Variants in TLN2 observed in about 807,000 individuals in gnomAD.
The protein encoded by TLN2 is talin 2.
Under a neutral mutation model 294.7 loss-of-function variants are expected in TLN2, and 118 were observed. The ratio of observed to expected loss-of-function variants is 0.40; its 90% CI spans 0.34 to 0.47. The LOEUF is 0.47. Ranked by LOEUF, TLN2 falls within the 20% of genes least tolerant of loss-of-function variation. TLN2 has a pLI of 0.84. For missense variants in TLN2, 3,083 were observed against 3,282.2 expected, an observed-to-expected ratio of 0.94 and a Z score of 1.48; for synonymous variants, 1,431 against 1,304.5, an observed-to-expected ratio of 1.10 and a Z score of -2.09.
intron 57 of TLN2, among the ~76,000 whole-genome samples, chr15:62,837,652 C>A (rs969405908): frequency 1.4e-4 from 22 of 152,146 alleles, no homozygotes; most frequent in Non-Finnish European, 1.0e-4. Context: ...ATGTGCAGAT[C>A]CCAGCTGTAT....
intron 1 of TLN2, among the ~76,000 whole-genome samples, chr15:62,462,541 G>C (rs392043): frequency 0.96 from 146,101 of 152,272 alleles, 70,369 homozygotes; most frequent in East Asian, 1. Flanking sequence ...GGTCCAGATT[G>C]CCAGGCTGAG....
intron 32 of TLN2, among the ~76,000 whole-genome samples, chr15:62,745,754 G>C (rs552517203): frequency 4.6e-5 from 7 of 152,196 alleles, no homozygotes; most frequent in African/African-American, 1.7e-4. Flanking sequence ...CTTATAAATA[G>C]CTGCTGGGGT....
intron 19 of TLN2, among the ~76,000 whole-genome samples, chr15:62,706,079 A>G (rs1291384348): frequency 6.6e-6 from 1 of 152,242 alleles, no homozygotes; most frequent in Non-Finnish European, 1.5e-5. Flanking sequence ...TGCCCTTTAC[A>G]TTTAGAATCA....
chr15:62,767,026 T>C (rs539455273), intron 41 of TLN2, among the ~76,000 whole-genome samples: 1 of 152,220 alleles, frequency 6.6e-6, no homozygotes, highest in African/African-American at 2.4e-5. Flanking sequence ...TGGCTTGTTA[T>C]GCAGCCTGTG....
intron 1 of TLN2, among the ~76,000 whole-genome samples, chr15:62,451,861 T>G (rs1213067261): frequency 6.6e-6 from 1 of 152,180 alleles, no homozygotes; most frequent in Non-Finnish European, 1.5e-5. Flanking sequence ...CCAAGTCTTG[T>G]TTTGTGTCAA....
chr15:62,545,206 G>A (rs1171054743), intron 1 of TLN2, among the ~76,000 whole-genome samples: 1 of 151,964 alleles, frequency 6.6e-6, no homozygotes, highest in Admixed American at 6.6e-5. Flanking sequence ...CCGGAGTGCT[G>A]GGATTACAGG....
At chr15:62,734,954 A>T (rs913862549) in intron 28 of TLN2, among the ~76,000 whole-genome samples, 6 of 152,208 alleles carry the variant, frequency 3.9e-5, no homozygotes, top group African/African-American at 1.4e-4. Flanking sequence ...TGGTGCCGAG[A>T]GACCTTCCAG....
chr15:62,642,470 C>T lies in TLN2; in HGVS notation c.-36-4805C>T, dbSNP rs1042057397. On this transcript the variant is annotated intron_variant, in intron 3 of 58. Coordinates refer to ENST00000636159, the MANE Select transcript of TLN2 (RefSeq NM_015059.3). ...GGTTCGGGTGCAGAAGAGTAGACGCCAGGACCAGTTGCAGGCTTTGCTGCC... is the reference window on the plus strand; with the variant it reads ...GGTTCGGGTGCAGAAGAGTAGACGCTAGGACCAGTTGCAGGCTTTGCTGCC... Among the ~76,000 whole-genome samples the T allele has an allele frequency of 2.2e-4, 33 of 152,180 alleles. No individual in the cohort carries two copies. In the South Asian group the frequency reaches 2.9e-3, roughly 13 times the overall value.
intron 1 of TLN2, among the ~76,000 whole-genome samples, chr15:62,500,910 A>G (rs900302276): frequency 2.6e-5 from 4 of 152,240 alleles, no homozygotes; most frequent in Admixed American, 1.3e-4. Flanking sequence ...CTGAGTGTGC[A>G]GGCCCCACCA....
At chr15:62,510,761 C>T (rs1204253542) in intron 1 of TLN2, among the ~76,000 whole-genome samples, 1 of 152,190 alleles carries the variant, frequency 6.6e-6, no homozygotes, top group Admixed American at 6.5e-5. Flanking sequence ...CTGCCTGCCC[C>T]CAGTGCCTCC....
intron 13 of TLN2, among the ~76,000 whole-genome samples, chr15:62,693,172 A>G (rs1256155824): frequency 2.0e-5 from 3 of 152,270 alleles, no homozygotes; most frequent in Middle Eastern, 3.4e-3. Flanking sequence ...TCTACTAAAA[A>G]TACAAAAAAG....
At chr15:62,719,982 T>A (rs1247984126) in intron 25 of TLN2, 102 bp downstream of exon 25, 4 of 856,610 alleles carry the variant, frequency 4.7e-6, no homozygotes, top group Non-Finnish European at 6.7e-6. Context: ...CTCAGCTAAG[T>A]CTTTGCGGTA....
At chr15:62,709,401 G>A (rs1160763352) in intron 21 of TLN2, among the ~76,000 whole-genome samples, 2 of 152,220 alleles carry the variant, frequency 1.3e-5, no homozygotes, top group Non-Finnish European at 2.9e-5. Context: ...TCCACGCAGA[G>A]GAGCAGTGTC....
intron 1 of TLN2, among the ~76,000 whole-genome samples, chr15:62,581,958 C>A (rs1480455601): frequency 6.6e-6 from 1 of 151,250 alleles, no homozygotes; most frequent in Non-Finnish European, 1.5e-5. Flanking sequence ...GCAGGAGAAT[C>A]GTTTGAACCT....
chr15:62,450,099 C>T (rs1293654005), intron 1 of TLN2, among the ~76,000 whole-genome samples: 1 of 152,178 alleles, frequency 6.6e-6, no homozygotes, highest in Non-Finnish European at 1.5e-5. Flanking sequence ...CCTGCAGAAT[C>T]TCTCCTCTGG....
In TLN2 at chr15:62,642,272, G is replaced by C. The variant is rs200143350; in HGVS notation, c.-36-5003G>C. Among the ~76,000 whole-genome samples the C allele has an allele frequency of 1.4e-4, 22 of 152,258 alleles. No individual in the cohort carries two copies. In the East Asian group the frequency reaches 3.7e-3, roughly 25 times the overall value. On this transcript the variant is annotated intron_variant, in intron 3 of 58. Transcript: ENST00000636159. ...AATAAGATAGTAGTCATTCAAATTC[G>C]GGTAAACGAAAAATGAACAATAAGA...
chr15:62,764,568 T>G (rs910974400), intron 40 of TLN2, among the ~76,000 whole-genome samples: 1 of 152,202 alleles, frequency 6.6e-6, no homozygotes, highest in African/African-American at 2.4e-5. Context: ...GGATCTGTTA[T>G]TAAAGTCCGT....
In TLN2 at chr15:62,529,068, C is replaced by T. The variant is rs552117876; in HGVS notation, c.-237-60619C>T. 4.6e-5 allele frequency among the ~76,000 whole-genome samples: 7 copies of T among 151,502 alleles called. No individual in the cohort carries two copies. The South Asian group carries it at 1.5e-3, about 32-fold the overall frequency. On this transcript the variant is annotated intron_variant, in intron 1 of 58. Transcript: ENST00000636159. ...GGATGGATTATCAGAAGTGGAATTA[C>T]TGAGGCTAAAGTAACATTTACAGGG... is the stretch of plus-strand genomic sequence containing the variant.
intron 1 of TLN2, among the ~76,000 whole-genome samples, chr15:62,567,771 G>A (rs1327747745): frequency 6.6e-6 from 1 of 152,172 alleles, no homozygotes; most frequent in African/African-American, 2.4e-5. Context: ...CCTGGGAGGT[G>A]GAGGTTGCAG....
Sources: gnomAD v4.1 joint callset for allele counts (sites outside exome capture counted in the v4.1 genomes callset) on GRCh38, gnomAD v4.1.1 for gene constraint, MANE v1.5 for transcripts, NCBI Gene and HGNC (gene_info 2026-07-23, HGNC 2026-07-21) for gene names.